ETS1: variants seen among roughly 807,000 people sequenced by gnomAD.
The protein encoded by ETS1 is protein C-ets-1.
In ETS1, 15 loss-of-function variants were observed where a neutral mutation model predicts 58.6. That is an observed-to-expected ratio of 0.26 (90% CI 0.17 to 0.39). ETS1 has a LOEUF of 0.39. Ranked by LOEUF, ETS1 falls within the 10% of genes least tolerant of loss-of-function variation. ETS1 has a pLI of 1.00. For missense variants in ETS1, 417 were observed against 610.5 expected (o/e 0.68, Z 3.34); for synonymous variants, 214 against 218.2 (o/e 0.98, Z 0.17).
chr11:128,561,273 T>C (rs1289397310), intron 2 of ETS1, among the ~76,000 whole-genome samples: 1 of 152,156 alleles, frequency 6.6e-6, no homozygotes, highest in Non-Finnish European at 1.5e-5. Context: ...GGTGAAGCAA[T>C]GCCTTCAAGA....
At chr11:128,524,744 T>C (rs1565396973) in intron 3 of ETS1, among the ~76,000 whole-genome samples, 1 of 152,230 alleles carries the variant, frequency 6.6e-6, no homozygotes, top group South Asian at 2.1e-4. Context: ...TCAATAAATA[T>C]GTGTTGAATG....
At chr11:128,522,286 G>A (rs1483459485) in intron 3 of ETS1, 1 of 1,113,096 alleles carries the variant, frequency 9.0e-7, no homozygotes, top group Non-Finnish European at 1.1e-6. Flanking sequence ...CTCCGCCGGC[G>A]GCTGCCTCGT....
chr11:128,582,677 C>T (rs1214808512), intron 1 of ETS1, among the ~76,000 whole-genome samples: 1 of 152,034 alleles, frequency 6.6e-6, no homozygotes, highest in Non-Finnish European at 1.5e-5. Context: ...AAGAATTTTG[C>T]AGGAGAAAAG....
chr11:128,510,041 C>T (rs962878170), intron 3 of ETS1, among the ~76,000 whole-genome samples: 3 of 152,188 alleles, frequency 2.0e-5, no homozygotes, highest in Non-Finnish European at 2.9e-5. Flanking sequence ...AAGCATCCAG[C>T]AGTTTTGAAG....
chr11:128,468,102 A>G (rs4520612), intron 8 of ETS1, among the ~76,000 whole-genome samples: 139,978 of 152,260 alleles, frequency 0.92, 64,448 homozygotes, highest in African/African-American at 0.96. Flanking sequence ...AATACCAGGT[A>G]GGAACTTGGA....
At chr11:128,487,697 C>T (rs190531240) in intron 5 of ETS1, among the ~76,000 whole-genome samples, 49 of 151,952 alleles carry the variant, frequency 3.2e-4, no homozygotes, top group African/African-American at 9.9e-4. Context: ...CGACATCGCG[C>T]GACTGCACTC....
At chr11:128,522,391 G>A in intron 3 of ETS1, 2 of 974,848 alleles carry the variant, frequency 2.1e-6, no homozygotes, top group Non-Finnish European at 2.4e-6. Context: ...CGTCTCGGCC[G>A]CTGGGTCCGC....
chr11:128,571,500 T>TCCAGCCTGGGCGACAGAGCGAGACTC (rs1565414945), intron 2 of ETS1, among the ~76,000 whole-genome samples: 5 of 36,140 alleles, frequency 1.4e-4, no homozygotes, highest in African/African-American at 6.2e-4. Flanking sequence ...CAAGACTCCG[T>TCCAGCCTGGGCGACAGAGCGAGACTC]CAAAAAAAAA....
rs1347817505 is a variant in ETS1 at position 128,459,233 on chromosome 11, G to T, written c.*3128C>A. 3 of 151,340 alleles carry T rather than the reference G, an allele frequency of 2.0e-5. No homozygotes were observed. The allele number at this position is 151,340 out of a possible 1,614,324, so 9.4% of individuals were successfully genotyped here. On this transcript the variant is annotated 3_prime_UTR_variant, in exon 10 of 10. Transcript: ENST00000392668. ...ATGTATATGTATACATATATTTATG[G>T]TTCCTTGAAACTTCTTTGGAATGTA...
rs528547314 is a variant in ETS1, at chr11:128,509,202, C to A, written c.215-18626G>T. Among the ~76,000 whole-genome samples the A allele has an allele frequency of 2.0e-5, 3 of 152,326 alleles. No homozygotes were observed. The South Asian group carries it at 6.2e-4, about 32-fold the overall frequency. On this transcript the variant is annotated intron_variant, in intron 3 of 9. Transcript: ENST00000392668. ...GCCACAAAGCTCCCTGCAAGAGAGA[C>A]CTTCAGAAATCCAGAAATAGATTCT... is the stretch of plus-strand genomic sequence containing the variant.
At chr11:128,564,627 C>T (rs1864460413) in intron 2 of ETS1, among the ~76,000 whole-genome samples, 1 of 152,200 alleles carries the variant, frequency 6.6e-6, no homozygotes, top group African/African-American at 2.4e-5. Context: ...CTTGAGACCA[C>T]AGTCCTGGGG....
At position 128,491,895 on chromosome 11, in the gene ETS1, T is replaced by G. The variant is rs145897749; in HGVS notation, c.215-1319A>C. On this transcript the variant is annotated intron_variant, in intron 3 of 9. Transcript: ENST00000392668. ...TGTATCATCATTTGCCACACCCACATGCACCTTAATCTCTGCTATGTCCAT... is the reference window on the plus strand; with the variant it reads ...TGTATCATCATTTGCCACACCCACAGGCACCTTAATCTCTGCTATGTCCAT... Among the ~76,000 whole-genome samples, 528 of 152,332 alleles carry G rather than the reference T, an allele frequency of 3.5e-3. 4 individuals are homozygous for G. Among genetic ancestry groups the G allele is most frequent in the South Asian group, 0.026 (123 of 4,820 alleles).
At chr11:128,477,835 T>C (rs1283619524) in intron 8 of ETS1, among the ~76,000 whole-genome samples, 2 of 152,154 alleles carry the variant, frequency 1.3e-5, no homozygotes, top group African/African-American at 4.8e-5. Flanking sequence ...TAATTGAGGG[T>C]TTTTTTCTCT....
chr11:128,484,647 G>C (rs1339761542), intron 7 of ETS1, among the ~76,000 whole-genome samples, 176 bp downstream of exon 7: 1 of 151,956 alleles, frequency 6.6e-6, no homozygotes, highest in Non-Finnish European at 1.5e-5. Context: ...AATGGACTTG[G>C]CTAAAACACC....
At chr11:128,518,755 GACTGACCAA>G (rs2135513298) in intron 3 of ETS1, among the ~76,000 whole-genome samples, 1 of 152,352 alleles carries the variant, frequency 6.6e-6, no homozygotes, top group African/African-American at 2.4e-5. Flanking sequence ...AAGAAACAAA[GACTGACCAA>G]GCTGAGCAAG....
At chr11:128,585,062 A>AAG (rs759809143) in intron 1 of ETS1, among the ~76,000 whole-genome samples, 1 of 25,374 alleles carries the variant, frequency 3.9e-5, no homozygotes, top group Non-Finnish European at 6.7e-5. Flanking sequence ...GAAAGAAAGA[A>AAG]AGAAAGAAAG....
At chr11:128,568,578 C>T (rs1459865605) in intron 2 of ETS1, among the ~76,000 whole-genome samples, 1 of 152,206 alleles carries the variant, frequency 6.6e-6, no homozygotes, top group African/African-American at 2.4e-5. Flanking sequence ...CACTGTGACA[C>T]CACCTCATTC....
intron 3 of ETS1, among the ~76,000 whole-genome samples, chr11:128,553,853 T>C (rs540572732): frequency 6.6e-6 from 1 of 152,156 alleles, no homozygotes; most frequent in African/African-American, 2.4e-5. Flanking sequence ...TCTGAGAGCA[T>C]GAACGTGAAG....
chr11:128,493,091 G>A (rs1400047967), intron 3 of ETS1, among the ~76,000 whole-genome samples: 3 of 152,170 alleles, frequency 2.0e-5, no homozygotes, highest in Non-Finnish European at 4.4e-5. Flanking sequence ...GACAACACAT[G>A]TGGAAAACAC....
Sources: gnomAD v4.1 joint callset for allele counts (sites outside exome capture counted in the v4.1 genomes callset) on GRCh38, gnomAD v4.1.1 for gene constraint, MANE v1.5 for transcripts, NCBI Gene and HGNC (gene_info 2026-07-23, HGNC 2026-07-21) for gene names.